Variants in EYA2 observed in about 807,000 individuals in gnomAD.
EYA2 encodes the protein EYA transcriptional coactivator and phosphatase 2, also known as protein phosphatase EYA2.
A neutral mutation model predicts 69.2 loss-of-function variants in EYA2; 31 were observed. That is an observed-to-expected ratio of 0.45 (90% confidence interval 0.34 to 0.60). The LOEUF (loss-of-function observed/expected upper bound fraction) is 0.60, where lower values mean the gene tolerates loss of function less well. Among genes scored for constraint, EYA2 ranks in the 20% least tolerant of loss-of-function variants. EYA2 has a pLI of 0.02. For missense variants in EYA2, 622 were observed against 701.2 expected, an observed-to-expected ratio of 0.89 and a Z score of 1.28; for synonymous variants, 257 against 279.4, an observed-to-expected ratio of 0.92 and a Z score of 0.80.
chr20:47,153,409 G>T (rs1265757557), intron 10 of EYA2, among the ~76,000 whole-genome samples: 1 of 151,812 alleles, frequency 6.6e-6, no homozygotes, highest in Admixed American at 6.6e-5. Context: ...TGGAGGCTGA[G>T]GCGGGAGGAT....
At chr20:47,171,311 C>T (rs2054047241) in intron 11 of EYA2, among the ~76,000 whole-genome samples, 3 of 152,208 alleles carry the variant, frequency 2.0e-5, no homozygotes, top group Admixed American at 6.5e-5. Flanking sequence ...CCAAATTCTC[C>T]ACTTATTCAT....
intron 9 of EYA2, among the ~76,000 whole-genome samples, chr20:47,132,470 C>CT (rs2033365721): frequency 6.6e-6 from 1 of 152,160 alleles, no homozygotes; most frequent in Non-Finnish European, 1.5e-5. Context: ...ACCTAGGCAC[C>CT]AGGTGTTTTG....
chr20:47,057,862 C>CT (rs978430608), intron 5 of EYA2, among the ~76,000 whole-genome samples: 184 of 152,324 alleles, frequency 1.2e-3, no homozygotes, highest in African/African-American at 4.1e-3. Flanking sequence ...GCAGGACGGC[C>CT]TGCTGGCTGG....
intron 9 of EYA2, among the ~76,000 whole-genome samples, chr20:47,134,077 G>A (rs2033402914): frequency 6.6e-6 from 1 of 152,234 alleles, no homozygotes; most frequent in South Asian, 2.1e-4. Context: ...GGCCTGCTGA[G>A]TTAACCCTTT....
chr20:47,018,147 GT>G (rs1198508357), intron 5 of EYA2, among the ~76,000 whole-genome samples: 1 of 152,182 alleles, frequency 6.6e-6, no homozygotes, highest in Non-Finnish European at 1.5e-5. Flanking sequence ...TCTCAAGCCA[GT>G]TTTTTTCCAG....
chr20:47,013,466 C>T (rs1934841), intron 4 of EYA2, among the ~76,000 whole-genome samples: 78,344 of 151,122 alleles, frequency 0.52, 21,145 homozygotes, highest in Non-Finnish European at 0.6. Context: ...GAGGCAGCAA[C>T]TTTTGTCTTG....
intron 3 of EYA2, 64 bp downstream of exon 3, chr20:47,001,537 G>A (rs1568716088): frequency 9.7e-6 from 15 of 1,540,060 alleles, no homozygotes; most frequent in Non-Finnish European, 8.1e-6. Context: ...GGAAGGTAGA[G>A]GTTAAGAGAG....
At chr20:47,020,159 T>TA (rs34396523) in intron 5 of EYA2, among the ~76,000 whole-genome samples, 142,587 of 152,030 alleles carry the variant, frequency 0.94, 66,992 homozygotes, top group Non-Finnish European at 0.97. Flanking sequence ...TATATAATTT[T>TA]TAGAAGCAAA....
intron 9 of EYA2, among the ~76,000 whole-genome samples, chr20:47,106,244 C>T (rs1006921575): frequency 6.6e-6 from 1 of 152,182 alleles, no homozygotes; most frequent in Non-Finnish European, 1.5e-5. Context: ...ATGGCAAGCA[C>T]CAGGGTGGTC....
chr20:46,935,679 C>T (rs899711506), intron 1 of EYA2, among the ~76,000 whole-genome samples: 1 of 152,014 alleles, frequency 6.6e-6, no homozygotes, highest in African/African-American at 2.4e-5. Flanking sequence ...GCTTACAGGG[C>T]TGTTATATGA....
At chr20:46,925,730 A>G (rs1041781736) in intron 1 of EYA2, among the ~76,000 whole-genome samples, 8 of 152,240 alleles carry the variant, frequency 5.3e-5, no homozygotes, top group Non-Finnish European at 1.0e-4. Context: ...AGTGTGTGTC[A>G]CTACGGTCCT....
At chr20:46,969,559 G>A (rs535758974) in intron 1 of EYA2, among the ~76,000 whole-genome samples, 1 of 152,020 alleles carries the variant, frequency 6.6e-6, no homozygotes, top group Admixed American at 6.5e-5. Context: ...GTTTTTGTTT[G>A]TTTACTTATG....
At chr20:47,156,039 CACACACACACACATATATATACAT>C (rs56701034) in intron 10 of EYA2, among the ~76,000 whole-genome samples, 25,273 of 133,260 alleles carry the variant, frequency 0.19, 3,816 homozygotes, top group African/African-American at 0.32. Flanking sequence ...TATACATACA[CACACACACACACATATATATACAT>C]ACACACACAC....
At chr20:47,006,889 T>A (rs182080375) in intron 4 of EYA2, among the ~76,000 whole-genome samples, 256 of 152,330 alleles carry the variant, frequency 1.7e-3, no homozygotes, top group African/African-American at 5.9e-3. Context: ...ATGAAGACAC[T>A]TGAGTTTGCA....
chr20:47,070,715 A>G (rs1318638811), intron 5 of EYA2, among the ~76,000 whole-genome samples: 2 of 152,234 alleles, frequency 1.3e-5, no homozygotes, highest in African/African-American at 4.8e-5. Context: ...CTAAAGATGA[A>G]TGATGGTGAT....
At chr20:47,035,494 C>A (rs779611184) in intron 5 of EYA2, among the ~76,000 whole-genome samples, 1 of 152,180 alleles carries the variant, frequency 6.6e-6, no homozygotes, top group East Asian at 1.9e-4. Flanking sequence ...TGCCACCACC[C>A]GCCACCCCTT....
At chr20:47,151,643 C>G (rs1459090189) in intron 10 of EYA2, among the ~76,000 whole-genome samples, 1 of 152,002 alleles carries the variant, frequency 6.6e-6, no homozygotes, top group African/African-American at 2.4e-5. Flanking sequence ...TGAACCAGTT[C>G]CATGTCCTTA....
intron 2 of EYA2, among the ~76,000 whole-genome samples, chr20:46,991,528 A>G (rs1232385916): frequency 1.3e-5 from 2 of 152,232 alleles, no homozygotes; most frequent in African/African-American, 4.8e-5. Flanking sequence ...CAGTAAATTC[A>G]AAACCATGGT....
At chr20:46,901,490 C>G (rs1216135953) in intron 1 of EYA2, 1 of 152,196 alleles carries the variant, frequency 6.6e-6, no homozygotes, top group Non-Finnish European at 1.5e-5. Flanking sequence ...TCCACCACGT[C>G]CTGAGTTTGG....
Sources: allele counts gnomAD v4.1 joint callset (sites outside exome capture counted in the v4.1 genomes callset), GRCh38; gene constraint gnomAD v4.1.1; transcripts MANE v1.5; gene names NCBI Gene and HGNC (gene_info 2026-07-23, HGNC 2026-07-21).